The following MEF2B variants were observed in gnomAD, a reference collection of about 807,000 sequenced individuals.
MEF2B encodes the protein myocyte enhancer factor 2B, also known as myocyte-specific enhancer factor 2B.
In MEF2B, 15 loss-of-function variants were observed where a neutral mutation model predicts 32.2. The ratio of observed to expected loss-of-function variants is 0.47; its 90% CI spans 0.31 to 0.72. The LOEUF (loss-of-function observed/expected upper bound fraction) is 0.72. Among genes scored for constraint, MEF2B ranks in the 30% least tolerant of loss-of-function variants. MEF2B has a pLI of 0.05. For synonymous variants in MEF2B, 205 were observed against 225.6 expected (o/e 0.91, Z 0.82); for missense variants, 441 against 511.5 (o/e 0.86, Z 1.33).
chr19:19,147,896 A>C, intron 3 of MEF2B, 64 bp from the exon 4 acceptor site: 1 of 1,564,000 alleles, frequency 6.4e-7, no homozygotes, highest in Non-Finnish European at 8.6e-7. Context: ...ACCCAGTTCT[A>C]TGGGAGAGGG....
In MEF2B at chr19:19,170,241, A is replaced by T; in HGVS notation, c.-66T>A. The T allele has an allele frequency of 2.5e-6, 1 of 398,482 alleles. No individual in the cohort carries two copies. 24.7% of individuals were successfully genotyped at this position (398,482 alleles called of 1,614,324 possible). A position where few individuals can be genotyped will look rare whatever the true frequency, so the allele number is the denominator to read the frequency against. On this transcript the variant is annotated 5_prime_UTR_variant, in exon 1 of 9. Transcript: ENST00000424583. ...GGGCCCTGGGACGCTGGGCGCACGG[A>T]CCCGCGGCGGCTGCACGAAGATCAG...
intron 1 of MEF2B, among the ~76,000 whole-genome samples, chr19:19,166,190 C>T (rs986424473): frequency 2.6e-5 from 4 of 152,090 alleles, no homozygotes; most frequent in African/African-American, 9.7e-5. Flanking sequence ...AGGGCCATCA[C>T]GTGGCACCTC....
chr19:19,165,146 G>A (rs916145409), intron 1 of MEF2B, among the ~76,000 whole-genome samples: 1 of 152,096 alleles, frequency 6.6e-6, no homozygotes, highest in Non-Finnish European at 1.5e-5. Flanking sequence ...AGGAGCAGGG[G>A]GTGGGCAGAG....
intron 1 of MEF2B, among the ~76,000 whole-genome samples, chr19:19,163,799 G>A (rs570059941): frequency 2.0e-5 from 3 of 150,486 alleles, no homozygotes; most frequent in Non-Finnish European, 3.0e-5. Context: ...GGCTGCAGGC[G>A]CCTGCCCCTC....
chr19:19,168,158 T>G (rs2060224174), intron 1 of MEF2B, among the ~76,000 whole-genome samples: 1 of 152,116 alleles, frequency 6.6e-6, no homozygotes, highest in Non-Finnish European at 1.5e-5. Flanking sequence ...ACTCCAAGAG[T>G]CTGAGAGTTC....
At chr19:19,168,412 T>A (rs569512466) in intron 1 of MEF2B, among the ~76,000 whole-genome samples, 1 of 151,862 alleles carries the variant, frequency 6.6e-6, no homozygotes, top group Non-Finnish European at 1.5e-5. Flanking sequence ...TCGCTGGGAT[T>A]ACAAGCATGT....
At chr19:19,152,912 A>C (rs1317158286) in intron 1 of MEF2B, among the ~76,000 whole-genome samples, 1 of 152,166 alleles carries the variant, frequency 6.6e-6, no homozygotes, top group African/African-American at 2.4e-5. Context: ...AACTATGTAG[A>C]GCCCAAGCTG....
chr19:19,160,828 G>A (rs986125494), intron 1 of MEF2B, among the ~76,000 whole-genome samples: 1 of 152,116 alleles, frequency 6.6e-6, no homozygotes, highest in African/African-American at 2.4e-5. Flanking sequence ...TCTCCTGGGG[G>A]CTCCAGCGGC....
intron 1 of MEF2B, among the ~76,000 whole-genome samples, chr19:19,169,775 G>C (rs570068502): frequency 6.6e-6 from 1 of 152,200 alleles, no homozygotes; most frequent in African/African-American, 2.4e-5. Context: ...TGTGACAAAC[G>C]AGTGTACACC....
intron 3 of MEF2B, among the ~76,000 whole-genome samples, chr19:19,148,459 A>G (rs1009701062): frequency 6.6e-6 from 1 of 152,106 alleles, no homozygotes; most frequent in Non-Finnish European, 1.5e-5. Flanking sequence ...AGCAAGACTC[A>G]TTCTCAAAAA....
Position 19,146,877 on chromosome 19 carries a change from T to C in MEF2B, c.542-2A>G. ...GTGAGAAGAGAGGGTGCACCAGGCC[T>C]GGGGAAGAGGAGACCCCAGAGAGAG... On this transcript the variant is annotated splice_acceptor_variant, in intron 5 of 8. Transcript: ENST00000424583. LOFTEE classifies it high-confidence loss of function. 1 of 1,610,770 alleles carries C rather than the reference T, an allele frequency of 6.2e-7. No individual in the cohort carries two copies. Among genetic ancestry groups the C allele is most frequent in the South Asian group, 1.1e-5 (1 of 90,920 alleles).
intron 1 of MEF2B, among the ~76,000 whole-genome samples, chr19:19,165,095 C>T (rs1306049195): frequency 6.6e-6 from 1 of 152,122 alleles, no homozygotes; most frequent in African/African-American, 2.4e-5. Context: ...CCAATATCTT[C>T]CCGCAGAAAT....
chr19:19,167,300 G>A (rs1382143033), intron 1 of MEF2B, among the ~76,000 whole-genome samples: 1 of 148,864 alleles, frequency 6.7e-6, no homozygotes, highest in Non-Finnish European at 1.5e-5. Flanking sequence ...GCAGTGAGCC[G>A]AGATTGTGCC....
At chr19:19,159,806 C>A (rs886308221) in intron 1 of MEF2B, among the ~76,000 whole-genome samples, 1 of 152,102 alleles carries the variant, frequency 6.6e-6, no homozygotes, top group Admixed American at 6.6e-5. Context: ...CTTAGCCCCC[C>A]AGTAATGGAG....
chr19:19,146,722 C>G lies in MEF2B; in HGVS notation c.675+20G>C. The G allele has an allele frequency of 6.2e-7, 1 of 1,613,946 alleles. No individual in the cohort carries two copies. Among genetic ancestry groups the G allele is most frequent in the Non-Finnish European group, 8.5e-7 (1 of 1,179,952 alleles). ...CCCTGCCTGCCCTCATCAGCCCTGC[C>G]ACACCCTCCCCTCACTCACGGAGGT... On this transcript the variant is annotated intron_variant, in intron 6 of 8. Coordinates refer to ENST00000424583, the MANE Select transcript of MEF2B (RefSeq NM_001145785.2).
intron 8 of MEF2B, 76 bp from the exon 9 acceptor site, chr19:19,146,098 G>A (rs1030969428): frequency 7.9e-7 from 1 of 1,266,862 alleles, no homozygotes; most frequent in African/African-American, 1.6e-5. Flanking sequence ...CACAGCGTGG[G>A]CAAAGGCTTG....
chr19:19,146,565 T>C lies in MEF2B; in HGVS notation c.759A>G (p.Gly253=), dbSNP rs2146350255. Residue 253 remains glycine, a synonymous_variant, in exon 7 of 9, where the codon GGA becomes GGG. Transcript: ENST00000424583. The stretch of plus-strand genomic sequence containing the variant: ...GGTTAGGGGATGTACCTGGGGGGCC[T>C]CCGGGGAGGAAGGGGAAGCTCCCCA... ...PPLGSFPFLP[G]GPPEYGLGDP... 1 of 1,571,506 alleles carries C rather than the reference T, an allele frequency of 6.4e-7. No homozygotes were observed. The highest frequency in any genetic ancestry group is 8.6e-7 in the Non-Finnish European group (1 of 1,161,338).
chr19:19,147,226 T>G, intron 4 of MEF2B, 43 bp from the exon 5 acceptor site: 2 of 1,351,550 alleles, frequency 1.5e-6, no homozygotes, highest in Non-Finnish European at 2.0e-6. Flanking sequence ...CCAGGCCAGA[T>G]GGGGGTGCCA....
At chr19:19,147,581 C>A (rs1471584677) in intron 4 of MEF2B, 117 bp downstream of exon 4, 1 of 1,539,240 alleles carries the variant, frequency 6.5e-7, no homozygotes, top group Non-Finnish European at 8.7e-7. Flanking sequence ...CAGGTAGAGA[C>A]CTGCCTCCAA....
Sources: gnomAD v4.1 joint callset for allele counts (sites outside exome capture counted in the v4.1 genomes callset) on GRCh38, gnomAD v4.1.1 for gene constraint, MANE v1.5 for transcripts, NCBI Gene and HGNC (gene_info 2026-07-23, HGNC 2026-07-21) for gene names.